Variants in HHLA1 observed in about 807,000 individuals in gnomAD.
HHLA1 encodes HHLA1 neighbor of OC90.
HHLA1 carries 72 observed loss-of-function variants against 69.9 expected under a neutral mutation model. That is an observed-to-expected ratio of 1.03 (90% CI 0.85 to 1.25). The LOEUF (loss-of-function observed/expected upper bound fraction) is 1.25. Ranked by LOEUF, HHLA1 falls within the 50% of genes most tolerant of loss-of-function variation. HHLA1 has a pLI of 0.00. For synonymous variants in HHLA1, 252 were observed against 233.2 expected (o/e 1.08, Z -0.73); for missense variants, 685 against 642.2 (o/e 1.07, Z -0.72).
At position 132,079,709 on chromosome 8, in the gene HHLA1, G is replaced by A. The variant is rs1478304157; in HGVS notation, c.925+9C>T. 1.0e-5 allele frequency: 16 copies of A among 1,538,870 alleles called. No homozygotes were observed. The Admixed American group carries it at 1.8e-4, about 18-fold the overall frequency. Reference sequence around the variant, plus strand: ...GCAAAGGGGAGGAAAGGGTGAGAATGCATCTTACCCAAGGCTGGGAGAGTG... The same window carrying A: ...GCAAAGGGGAGGAAAGGGTGAGAATACATCTTACCCAAGGCTGGGAGAGTG... On this transcript the variant is annotated intron_variant, in intron 11 of 16. Transcript: ENST00000414222.
At chr8:132,092,447 G>T (rs7462979) in intron 7 of HHLA1, among the ~76,000 whole-genome samples, 132,343 of 152,092 alleles carry the variant, frequency 0.87, 58,414 homozygotes, top group Middle Eastern at 0.95. Flanking sequence ...AATGCTGGAG[G>T]TGAGGCGTGG....
chr8:132,097,924 A>G (rs1824049626), intron 5 of HHLA1, among the ~76,000 whole-genome samples: 1 of 152,196 alleles, frequency 6.6e-6, no homozygotes, highest in Non-Finnish European at 1.5e-5. Flanking sequence ...ATTTACATAG[A>G]CCTCAACACT....
At chr8:132,080,583 G>T (rs1477684905) in intron 10 of HHLA1, 2 of 170,654 alleles carry the variant, frequency 1.2e-5, no homozygotes, top group Admixed American at 5.9e-5. Context: ...GTGGGGCAGG[G>T]CATATTCACT....
At position 132,087,877 on chromosome 8, in the gene HHLA1, C is replaced by A; in HGVS notation, c.557G>T (p.Cys186Phe). The change falls in exon 9 of 17, where the codon TGC (cysteine) becomes TTC (phenylalanine). Residue 186 changes from cysteine (C) to phenylalanine (F), a missense_variant. By Grantham distance (205) the Cys-to-Phe change is radical (BLOSUM62 -2). Coordinates refer to ENST00000414222, the MANE Select transcript of HHLA1 (RefSeq NM_001145095.3). Reference protein sequence around the residue: ...LSVNQSNESDCIFICVMTGKS... With the variant: ...LSVNQSNESDFIFICVMTGKS... ...TCCTGTCATCACACAGATGAAGATG[C>A]AATCTGATTCATTGCTTTGATTCAC... 1 of 1,551,434 alleles carries A rather than the reference C, an allele frequency of 6.4e-7. No homozygotes were observed. Among genetic ancestry groups the A allele is most frequent in the Non-Finnish European group, 8.7e-7 (1 of 1,146,652 alleles).
rs1221382255 is a variant in HHLA1, at chr8:132,071,344, T to C, written c.1465A>G (p.Met489Val). Residue 489 changes from methionine to valine, a missense_variant, in exon 15 of 17, where the codon ATG becomes GTG. Coordinates refer to ENST00000414222, the MANE Select transcript of HHLA1 (RefSeq NM_001145095.3). ...GAAGCCACTGGGCCAAGTTACCTCA[T>C]GTCCTCTGTCCTGGGACTCCTCTGG... The part of the protein sequence containing the change: ...MSQRSPRTED[M>V]RYCLEYYSWF... The C allele has an allele frequency of 1.9e-6, 3 of 1,550,024 alleles. No individual in the cohort carries two copies. Among genetic ancestry groups the C allele is most frequent in the South Asian group, 2.4e-5 (2 of 83,704 alleles).
intron 12 of HHLA1, among the ~76,000 whole-genome samples, chr8:132,077,166 C>T (rs1823659433): frequency 6.6e-6 from 1 of 152,158 alleles, no homozygotes; most frequent in Admixed American, 6.5e-5. Flanking sequence ...AGAGGTGAGG[C>T]TGAGAAACAG....
intron 3 of HHLA1, chr8:132,101,414 A>T: frequency 8.7e-7 from 1 of 1,153,468 alleles, no homozygotes; most frequent in Non-Finnish European, 1.2e-6. Flanking sequence ...GATGTACCTA[A>T]ATTTGATGTA....
intron 1 of HHLA1, among the ~76,000 whole-genome samples, chr8:132,109,174 T>C (rs1450239920): frequency 2.0e-5 from 3 of 152,154 alleles, no homozygotes; most frequent in East Asian, 1.9e-4. Flanking sequence ...GCCAGGCCAA[T>C]TTTTGTATTT....
intron 14 of HHLA1, among the ~76,000 whole-genome samples, chr8:132,073,780 A>G (rs1462335215): frequency 6.6e-6 from 1 of 152,214 alleles, no homozygotes; most frequent in Non-Finnish European, 1.5e-5. Context: ...AAACTTGGGC[A>G]TGATTTTTGG....
At chr8:132,105,523 A>G in intron 1 of HHLA1, among the ~76,000 whole-genome samples, 1 of 152,236 alleles carries the variant, frequency 6.6e-6, no homozygotes, top group East Asian at 1.9e-4. Flanking sequence ...GCTCTGCTCC[A>G]CATAGTCACT....
At chr8:132,074,497 G>A (rs774584032) in intron 14 of HHLA1, among the ~76,000 whole-genome samples, 1 of 152,116 alleles carries the variant, frequency 6.6e-6, no homozygotes, top group Non-Finnish European at 1.5e-5. Flanking sequence ...TTATTGTGAA[G>A]AGAAAGTAAA....
At chr8:132,097,103 CT>C (rs1185370923) in intron 5 of HHLA1, among the ~76,000 whole-genome samples, 1 of 152,150 alleles carries the variant, frequency 6.6e-6, no homozygotes, top group African/African-American at 2.4e-5. Flanking sequence ...GGCTATTGCC[CT>C]CTGGAGACCC....
At chr8:132,064,169 G>A in intron 16 of HHLA1, 131 bp from the exon 17 acceptor site, 1 of 331,514 alleles carries the variant, frequency 3.0e-6, no homozygotes, top group South Asian at 3.5e-5. Context: ...GCAGTGCACT[G>A]GACAGGGGTC....
chr8:132,067,611 G>A (rs904990179), intron 15 of HHLA1, among the ~76,000 whole-genome samples: 2 of 152,132 alleles, frequency 1.3e-5, no homozygotes, highest in African/African-American at 4.8e-5. Context: ...ACTTGGCTGT[G>A]GGAGTGGACA....
intron 10 of HHLA1, among the ~76,000 whole-genome samples, chr8:132,084,223 T>C (rs1262967959): frequency 6.6e-6 from 1 of 151,810 alleles, no homozygotes; most frequent in East Asian, 1.9e-4. Flanking sequence ...GGGGAGGTGA[T>C]AAAAAGATTA....
At position 132,092,830 on chromosome 8, in the gene HHLA1, G is replaced by A. The variant is rs59878338; in HGVS notation, c.448+2689C>T. On this transcript the variant is annotated intron_variant, in intron 7 of 16. Transcript: ENST00000414222. Reference sequence around the variant, plus strand: ...CAAATCCTTTCTCCTCTTCATTGTAGCTGGAGTGTGAATGTGCTGGCAACC... The same window carrying A: ...CAAATCCTTTCTCCTCTTCATTGTAACTGGAGTGTGAATGTGCTGGCAACC... Among the ~76,000 whole-genome samples the A allele has an allele frequency of 7.2e-3, 1,091 of 152,256 alleles. 11 individuals carry two copies. Among genetic ancestry groups the A allele is most frequent in the African/African-American group, 0.025 (1,041 of 41,542 alleles).
At position 132,077,902 on chromosome 8, in the gene HHLA1, A is replaced by G. The variant is rs1185401377; in HGVS notation, c.995T>C (p.Val332Ala). 20 of 1,551,556 alleles carry G rather than the reference A, an allele frequency of 1.3e-5. No homozygotes were observed. The East Asian group carries it at 4.9e-4, about 38-fold the overall frequency. Residue 332 changes from valine to alanine, a missense_variant, in exon 12 of 17, where the codon GTG becomes GCG. Transcript: ENST00000414222. ...CTCACTGATGGTCTGAGCCCAGGGC[A>G]CGGACGATATGGAAGCCCACGTCTG... is the stretch of plus-strand genomic sequence containing the variant. ...DRQTWASISS[V>A]PWAQTISEKK...
chr8:132,103,096 T>G (rs1178235699), intron 3 of HHLA1, among the ~76,000 whole-genome samples: 1 of 152,212 alleles, frequency 6.6e-6, no homozygotes, highest in African/African-American at 2.4e-5. Context: ...TTATCCTTCA[T>G]GATTACCTGT....
intron 1 of HHLA1, among the ~76,000 whole-genome samples, chr8:132,109,854 G>A (rs1824266442): frequency 6.6e-6 from 1 of 152,138 alleles, no homozygotes; most frequent in South Asian, 2.1e-4. Flanking sequence ...TTTGGGAGGT[G>A]GAAGGGTTAG....
Sources: gnomAD v4.1 joint callset for allele counts (sites outside exome capture counted in the v4.1 genomes callset) on GRCh38, gnomAD v4.1.1 for gene constraint, MANE v1.5 for transcripts, NCBI Gene and HGNC (gene_info 2026-07-23, HGNC 2026-07-21) for gene names.